UBE2R2: variants seen among roughly 807,000 people sequenced by gnomAD.
UBE2R2 encodes ubiquitin-conjugating enzyme E2 R2.
In UBE2R2, 1 loss-of-function variant was observed where a neutral mutation model predicts 27.8. The ratio of observed to expected loss-of-function variants is 0.04; its 90% confidence interval spans 0.01 to 0.17. UBE2R2 has a LOEUF of 0.17. Among genes scored for constraint, UBE2R2 ranks in the 10% least tolerant of loss-of-function variants. The pLI, the probability that UBE2R2 is intolerant of heterozygous loss-of-function variation, is 1.00. For synonymous variants in UBE2R2, 106 were observed against 113.3 expected (o/e 0.94, Z 0.41); for missense variants, 100 against 291.0 (o/e 0.34, Z 4.78).
chr9:33,827,556 G>T (rs918614622), intron 1 of UBE2R2, among the ~76,000 whole-genome samples: 3 of 151,974 alleles, frequency 2.0e-5, no homozygotes, highest in Non-Finnish European at 4.4e-5. Context: ...CAGGAGAATT[G>T]TTTGAATGCG....
At chr9:33,821,689 C>T (rs965586611) in intron 1 of UBE2R2, among the ~76,000 whole-genome samples, 4 of 151,774 alleles carry the variant, frequency 2.6e-5, no homozygotes, top group African/African-American at 7.3e-5. Context: ...GATCTCAGCT[C>T]ACTGCAACCT....
intron 1 of UBE2R2, among the ~76,000 whole-genome samples, chr9:33,833,187 C>T (rs1350342692): frequency 6.6e-6 from 1 of 152,200 alleles, no homozygotes; most frequent in Non-Finnish European, 1.5e-5. Context: ...GCCTCAGCCT[C>T]CCGAGTAGCT....
intron 1 of UBE2R2, among the ~76,000 whole-genome samples, chr9:33,879,871 TTTTG>T (rs1293776797): frequency 3.4e-5 from 5 of 149,148 alleles, no homozygotes; most frequent in East Asian, 2.0e-4. Context: ...TTCCTCTTTA[TTTTG>T]TTTGTTTGTT....
At chr9:33,821,310 G>A (rs545542500) in intron 1 of UBE2R2, among the ~76,000 whole-genome samples, 4 of 152,016 alleles carry the variant, frequency 2.6e-5, no homozygotes, top group East Asian at 1.9e-4. Context: ...GACTACGCCC[G>A]GCTAATTTTT....
At chr9:33,905,331 T>C (rs897058340) in intron 3 of UBE2R2, among the ~76,000 whole-genome samples, 5 of 152,164 alleles carry the variant, frequency 3.3e-5, no homozygotes, top group Admixed American at 1.3e-4. Flanking sequence ...ACCCCTAGCA[T>C]TGGGTGCCAA....
At chr9:33,842,570 C>T (rs943888410) in intron 1 of UBE2R2, among the ~76,000 whole-genome samples, 4 of 152,010 alleles carry the variant, frequency 2.6e-5, no homozygotes, top group South Asian at 2.1e-4. Flanking sequence ...ATGTTGATCT[C>T]GAATGAGATT....
intron 1 of UBE2R2, among the ~76,000 whole-genome samples, chr9:33,819,795 C>A (rs769674743): frequency 4.6e-5 from 7 of 152,178 alleles, no homozygotes; most frequent in Non-Finnish European, 8.8e-5. Context: ...CACGCCACCA[C>A]GCCCAGCTAA....
intron 1 of UBE2R2, among the ~76,000 whole-genome samples, chr9:33,876,279 C>T (rs1234461076): frequency 6.6e-5 from 10 of 152,092 alleles, no homozygotes; most frequent in Admixed American, 3.9e-4. Flanking sequence ...TTGCTTGAAC[C>T]CGGGAGGCGG....
intron 1 of UBE2R2, among the ~76,000 whole-genome samples, chr9:33,823,901 TTTA>T (rs1326809883): frequency 2.0e-5 from 3 of 152,208 alleles, no homozygotes; most frequent in Non-Finnish European, 4.4e-5. Flanking sequence ...CGAATGCTCT[TTTA>T]TTCCCCCATT....
In UBE2R2 at chr9:33,873,532, C is replaced by T. The variant is rs138430724; in HGVS notation, c.178-13349C>T. Among the ~76,000 whole-genome samples, 260 of 152,250 alleles carry T rather than the reference C, an allele frequency of 1.7e-3. 1 individual carries two copies. The highest frequency in any genetic ancestry group is 5.5e-3 in the African/African-American group (229 of 41,526). ...GTAAAGATGATAATTCCATATGTGA[C>T]CTAAACATAAGACTCCCTAAGGCTA... On this transcript the variant is annotated intron_variant, in intron 1 of 4. Coordinates refer to ENST00000263228, the MANE Select transcript of UBE2R2 (RefSeq NM_017811.4).
intron 1 of UBE2R2, among the ~76,000 whole-genome samples, chr9:33,846,048 C>T (rs1391146336): frequency 6.6e-6 from 1 of 151,438 alleles, no homozygotes; most frequent in Admixed American, 6.6e-5. Flanking sequence ...ATGGCGTGAA[C>T]TCGGGAGGTG....
intron 2 of UBE2R2, among the ~76,000 whole-genome samples, chr9:33,891,872 G>A (rs1821994340): frequency 1.3e-5 from 2 of 152,124 alleles, no homozygotes; most frequent in African/African-American, 4.8e-5. Context: ...CACTTTGGGA[G>A]GCTGAGGCAA....
intron 1 of UBE2R2, among the ~76,000 whole-genome samples, chr9:33,883,947 GA>G (rs756123791): frequency 7.9e-5 from 12 of 151,948 alleles, no homozygotes; most frequent in Non-Finnish European, 1.8e-4. Context: ...GGGATTGCTT[GA>G]GCCCAGGAGT....
intron 1 of UBE2R2, among the ~76,000 whole-genome samples, chr9:33,850,939 C>T (rs2130753166): frequency 1.3e-5 from 2 of 152,344 alleles, no homozygotes; most frequent in Middle Eastern, 6.8e-3. Flanking sequence ...CCAATATTTA[C>T]TTAAACCAAA....
In UBE2R2 at chr9:33,917,283, A is replaced by AG; in HGVS notation, c.*49dup. 1 of 1,606,084 alleles carries AG rather than the reference A, an allele frequency of 6.2e-7. No individual in the cohort carries two copies. The highest frequency in any genetic ancestry group is 1.8e-4 in the Middle Eastern group (1 of 5,614). On this transcript the variant is annotated 3_prime_UTR_variant, in exon 5 of 5. Transcript: ENST00000263228. ...GTACTGCCCTGCCATCTCAGGCCAA[A>AG]GGGAGGGGAGCAAGTGGGGACCTGG...
chr9:33,861,401 C>G (rs1821233562), intron 1 of UBE2R2, among the ~76,000 whole-genome samples: 1 of 152,046 alleles, frequency 6.6e-6, no homozygotes, highest in African/African-American at 2.4e-5. Flanking sequence ...CAAACCCCAT[C>G]TCTACAAAAA....
chr9:33,914,431 C>T (rs1217048461), intron 4 of UBE2R2, among the ~76,000 whole-genome samples: 1 of 152,118 alleles, frequency 6.6e-6, no homozygotes. Context: ...GCACCAGGGT[C>T]TTCAAAGACA....
chr9:33,891,290 C>T (rs973068900), intron 2 of UBE2R2, among the ~76,000 whole-genome samples: 5 of 151,662 alleles, frequency 3.3e-5, no homozygotes, highest in African/African-American at 1.2e-4. Context: ...CCACCTGCCT[C>T]GGCCTCCCAA....
intron 1 of UBE2R2, among the ~76,000 whole-genome samples, chr9:33,836,041 G>A (rs1406044666): frequency 3.9e-5 from 6 of 152,204 alleles, no homozygotes; most frequent in African/African-American, 1.4e-4. Context: ...AGTGGCTCAC[G>A]CCTGTTATCC....
Sources: gnomAD v4.1 joint callset for allele counts (sites outside exome capture counted in the v4.1 genomes callset) on GRCh38, gnomAD v4.1.1 for gene constraint, MANE v1.5 for transcripts, NCBI Gene and HGNC (gene_info 2026-07-23, HGNC 2026-07-21) for gene names.